Variants in SPATA1 observed in about 807,000 individuals in gnomAD.
SPATA1 encodes the protein spermatogenesis associated 1, also known as spermatogenesis-associated protein 1.
Under a neutral mutation model 59.6 loss-of-function variants are expected in SPATA1, and 57 were observed. That is an observed-to-expected ratio of 0.96 (90% CI 0.77 to 1.19). SPATA1 has a LOEUF of 1.19. SPATA1 is among the 50% of genes most tolerant of loss of function. The pLI is 0.00. For synonymous variants in SPATA1, 147 were observed against 163.9 expected, an observed-to-expected ratio of 0.90 and a Z score of 0.79; for missense variants, 448 against 480.7, an observed-to-expected ratio of 0.93 and a Z score of 0.64.
intron 12 of SPATA1, 24 bp downstream of exon 12, chr1:84,550,554 G>T: frequency 6.7e-7 from 1 of 1,485,420 alleles, no homozygotes; most frequent in Non-Finnish European, 9.0e-7. Context: ...TTCCTAATCA[G>T]ATTATTATAA....
At chr1:84,534,057 A>G (rs911315805) in intron 8 of SPATA1, among the ~76,000 whole-genome samples, 5 of 152,050 alleles carry the variant, frequency 3.3e-5, no homozygotes, top group Admixed American at 2.0e-4. Context: ...TTTCATAGCT[A>G]ATTTGTAATT....
chr1:84,551,370 A>T (rs1187992497), intron 12 of SPATA1: 53 of 755,116 alleles, frequency 7.0e-5, no homozygotes, highest in Non-Finnish European at 8.4e-5. Flanking sequence ...GATAAAAATA[A>T]AAATAAATAA....
intron 10 of SPATA1, among the ~76,000 whole-genome samples, chr1:84,546,832 A>G (rs1262358782): frequency 6.6e-6 from 1 of 152,130 alleles, no homozygotes. Flanking sequence ...TTAAAAGTGA[A>G]TGAATGAGGG....
Position 84,525,628 on chromosome 1 carries a change from G to C in SPATA1, c.262-68G>C. The C allele has an allele frequency of 2.2e-6, 3 of 1,378,010 alleles. No individual in the cohort carries two copies. In the South Asian group the frequency reaches 4.2e-5, roughly 19 times the overall value. 85.4% of individuals were successfully genotyped at this position (1,378,010 alleles called of 1,614,324 possible). A position where few individuals can be genotyped will look rare whatever the true frequency, so the allele number is the denominator to read the frequency against. On this transcript the variant is annotated intron_variant, in intron 4 of 12. Transcript: ENST00000490879. ...CAAATACATGCCTTCTGCAAAAAAA[G>C]TAGAGGTAAAAATAATTGAAAAAAA...
downstream of SPATA1, chr1:84,554,831 G>A (rs1684381369): frequency 1.4e-5 from 8 of 573,894 alleles, no homozygotes; most frequent in Non-Finnish European, 2.4e-5. Context: ...CCTGGATACT[G>A]AGGACATTCG....
chr1:84,525,935 A>T, exon 6 of SPATA1: 4 of 1,613,676 alleles, frequency 2.5e-6, no homozygotes, highest in Non-Finnish European at 3.4e-6. Flanking sequence ...TGAGCGGCAG[A>T]CTAATAATGG....
At position 84,521,058 on chromosome 1, in the gene SPATA1, C is replaced by G. The variant is rs938538401; in HGVS notation, c.143+367C>G. On this transcript the variant is annotated intron_variant, in intron 3 of 12. Transcript: ENST00000490879. Reference sequence around the variant, plus strand: ...GCCCAGAAGTCAAGGCTGCAGTGAGCCATGATTGCAGCACTGCACTCTAGT... The same window carrying G: ...GCCCAGAAGTCAAGGCTGCAGTGAGGCATGATTGCAGCACTGCACTCTAGT... Among the ~76,000 whole-genome samples, 2 of 151,762 alleles carry G rather than the reference C, an allele frequency of 1.3e-5. 1 individual carries two copies. The highest frequency in any genetic ancestry group is 4.1e-4 in the South Asian group (2 of 4,820).
intron 8 of SPATA1, among the ~76,000 whole-genome samples, chr1:84,543,436 A>G (rs1683978284): frequency 6.6e-6 from 1 of 152,148 alleles, no homozygotes; most frequent in African/African-American, 2.4e-5. Flanking sequence ...GAAGCATGGC[A>G]TCATCTGCTT....
intron 1 of SPATA1, among the ~76,000 whole-genome samples, chr1:84,507,686 C>T (rs545638353): frequency 9.2e-5 from 14 of 152,242 alleles, no homozygotes; most frequent in African/African-American, 3.4e-4. Flanking sequence ...ACACAAGTAT[C>T]TATTCAAAGA....
In SPATA1 at chr1:84,548,980, T is replaced by C; in HGVS notation, c.1125+16T>C. 1 of 1,536,424 alleles carries C rather than the reference T, an allele frequency of 6.5e-7. No individual in the cohort carries two copies. The highest frequency in any genetic ancestry group is 2.1e-5 in the Admixed American group (1 of 47,352). ...AGACTCCAAGGTATTACTAAATGTA[T>C]CCCCCTTCCGTTAGAGAAGTTCTGT... On this transcript the variant is annotated intron_variant, in intron 11 of 12. Transcript: ENST00000490879.
At chr1:84,545,471 C>T (rs17111233) in intron 9 of SPATA1, among the ~76,000 whole-genome samples, 163 bp from the exon 10 acceptor site, 9,222 of 152,008 alleles carry the variant, frequency 0.061, 452 homozygotes, top group African/African-American at 0.13. Context: ...GACTCCTTTG[C>T]ATTTTCCACA....
chr1:84,521,893 G>A (rs1421423529), intron 3 of SPATA1, among the ~76,000 whole-genome samples: 2 of 152,122 alleles, frequency 1.3e-5, no homozygotes, highest in Non-Finnish European at 2.9e-5. Flanking sequence ...TCAGATGATA[G>A]CGTAAGTGAT....
intron 3 of SPATA1, among the ~76,000 whole-genome samples, chr1:84,521,312 G>GTTTT (rs1683016280): frequency 1.3e-5 from 2 of 152,186 alleles, no homozygotes; most frequent in Admixed American, 6.5e-5. Context: ...TTATATGTAT[G>GTTTT]TAGATGTGTA....
At chr1:84,506,415 A>G (rs578070659) in exon 1 of SPATA1, 56 of 204,970 alleles carry the variant, frequency 2.7e-4, no homozygotes, top group Non-Finnish European at 4.3e-4. Context: ...CCGATTAGGG[A>G]GAGGTAAGGA....
At chr1:84,552,826 G>T in intron 12 of SPATA1, 1 of 460,504 alleles carries the variant, frequency 2.2e-6, no homozygotes. Flanking sequence ...TTACCTTATA[G>T]CATATCTCAC....
downstream of SPATA1, among the ~76,000 whole-genome samples, chr1:84,555,594 T>G (rs17111440): frequency 8.1e-3 from 1,237 of 152,334 alleles, 57 homozygotes; most frequent in East Asian, 0.13. Context: ...ATGGCAAAGA[T>G]TACAGAAACG....
exon 5 of SPATA1, chr1:84,566,088 TA>T: frequency 1.1e-6 from 1 of 895,994 alleles, no homozygotes; most frequent in South Asian, 4.0e-5. Flanking sequence ...AAATTATATA[TA>T]TTTTTTACCT....
intron 4 of SPATA1, chr1:84,563,935 A>G (rs1684641800): frequency 7.6e-7 from 1 of 1,309,288 alleles, no homozygotes; most frequent in Non-Finnish European, 9.9e-7. Context: ...AAACAAGTAC[A>G]TTTATAAAAA....
rs1478078697 is a variant in SPATA1, at chr1:84,553,167, T to C, written c.*43T>C. ...TTTTATTTGTAAAAAAATTTAAATA[T>C]GTATTTGAACAGATTTGTTTAACCA... On this transcript the variant is annotated 3_prime_UTR_variant, in exon 13 of 13. Transcript: ENST00000490879. The C allele has an allele frequency of 4.4e-6, 5 of 1,147,924 alleles. No homozygotes were observed. The South Asian group carries it at 4.5e-5, about 10-fold the overall frequency. The allele number at this position is 1,147,924 out of a possible 1,614,324, so 71.1% of individuals were successfully genotyped here. A position where few individuals can be genotyped will look rare whatever the true frequency, so the allele number is the denominator to read the frequency against.
Sources: gnomAD v4.1 joint callset for allele counts (sites outside exome capture counted in the v4.1 genomes callset) on GRCh38, gnomAD v4.1.1 for gene constraint, MANE v1.5 for transcripts, NCBI Gene and HGNC (gene_info 2026-07-23, HGNC 2026-07-21) for gene names.